The following BIRC6 variants were observed in gnomAD, a reference collection of about 807,000 sequenced individuals.
BIRC6 encodes baculoviral IAP repeat containing 6.
In BIRC6, 98 loss-of-function variants were observed where a neutral mutation model predicts 503.3. The ratio of observed to expected loss-of-function variants is 0.19; its 90% confidence interval spans 0.17 to 0.23. BIRC6 has a LOEUF of 0.23. Among genes scored for constraint, BIRC6 ranks in the 10% least tolerant of loss-of-function variants. The probability of loss-of-function intolerance (pLI) is 1.00; values close to 1 mark genes in which losing one functional copy is unlikely to be tolerated. For missense variants in BIRC6, 5,360 were observed against 5,806.0 expected (o/e 0.92, Z 2.50); for synonymous variants, 2,240 against 2,078.7 (o/e 1.08, Z -2.11).
At chr2:32,573,215 T>C (rs1337920381) in intron 65 of BIRC6, among the ~76,000 whole-genome samples, 1 of 152,176 alleles carries the variant, frequency 6.6e-6, no homozygotes, top group African/African-American at 2.4e-5. Context: ...GTTTGTTTGT[T>C]TTTGAGACTG....
intron 1 of BIRC6, among the ~76,000 whole-genome samples, chr2:32,361,364 G>A (rs1388461801): frequency 6.6e-6 from 1 of 151,974 alleles, no homozygotes; most frequent in East Asian, 1.9e-4. Flanking sequence ...TTAAATATGT[G>A]TTTCTTTTTT....
chr2:32,559,372 G>A (rs1453306849), intron 65 of BIRC6, among the ~76,000 whole-genome samples: 5 of 152,208 alleles, frequency 3.3e-5, no homozygotes, highest in South Asian at 2.1e-4. Context: ...GCATAACAGC[G>A]TGTTGTGCCT....
chr2:32,361,406 C>A (rs1416203131), intron 1 of BIRC6, among the ~76,000 whole-genome samples: 4 of 152,046 alleles, frequency 2.6e-5, no homozygotes, highest in African/African-American at 9.7e-5. Flanking sequence ...CAAAATTGAG[C>A]AGAAAGTACA....
intron 46 of BIRC6, among the ~76,000 whole-genome samples, chr2:32,501,218 T>C (rs2053149095): frequency 6.6e-6 from 1 of 152,180 alleles, no homozygotes; most frequent in Non-Finnish European, 1.5e-5. Context: ...TTTTTCTTTG[T>C]CAGTGTGTGA....
intron 3 of BIRC6, among the ~76,000 whole-genome samples, chr2:32,383,215 T>G (rs1174282204): frequency 1.3e-5 from 2 of 151,436 alleles, no homozygotes; most frequent in East Asian, 2.0e-4. Flanking sequence ...CCTGGCTAAC[T>G]TTTGTATTTT....
At chr2:32,581,053 A>G (rs568557336) in intron 66 of BIRC6, among the ~76,000 whole-genome samples, 2 of 152,152 alleles carry the variant, frequency 1.3e-5, no homozygotes, top group Non-Finnish European at 2.9e-5. Context: ...CACTAATCCT[A>G]TTACTTGGTT....
At chr2:32,414,288 A>G (rs2042193802) in intron 9 of BIRC6, among the ~76,000 whole-genome samples, 1 of 152,224 alleles carries the variant, frequency 6.6e-6, no homozygotes, top group Non-Finnish European at 1.5e-5. Context: ...CAGAAAATAA[A>G]TAAGTAAATA....
At chr2:32,558,203 A>G (rs2058918185) in intron 65 of BIRC6, among the ~76,000 whole-genome samples, 1 of 152,198 alleles carries the variant, frequency 6.6e-6, no homozygotes, top group Admixed American at 6.5e-5. Context: ...CCGAAAATAT[A>G]ATGAAAATGT....
At chr2:32,478,134 T>G (rs1393646780) in intron 35 of BIRC6, among the ~76,000 whole-genome samples, 2 of 151,930 alleles carry the variant, frequency 1.3e-5, no homozygotes, top group Non-Finnish European at 2.9e-5. Flanking sequence ...TTGAAGAGAT[T>G]GAGACCATCA....
At chr2:32,551,717 C>T (rs2058436655) in intron 65 of BIRC6, among the ~76,000 whole-genome samples, 1 of 152,112 alleles carries the variant, frequency 6.6e-6, no homozygotes, top group African/African-American at 2.4e-5. Flanking sequence ...TTATTTTTGG[C>T]AATGTGGGAG....
intron 72 of BIRC6, among the ~76,000 whole-genome samples, chr2:32,610,225 G>A (rs1249432923): frequency 1.3e-5 from 2 of 152,046 alleles, no homozygotes; most frequent in East Asian, 3.9e-4. Flanking sequence ...TGTTCTTTAG[G>A]GCAGACATGC....
intron 22 of BIRC6, among the ~76,000 whole-genome samples, chr2:32,450,320 T>C (rs556701241): frequency 2.7e-4 from 41 of 152,214 alleles, no homozygotes; most frequent in Admixed American, 9.8e-4. Context: ...CTACTAAAAA[T>C]GCCAAAAAAT....
chr2:32,471,633 ATTATT>A (rs1235540713), intron 32 of BIRC6, among the ~76,000 whole-genome samples: 1 of 152,114 alleles, frequency 6.6e-6, no homozygotes, highest in Non-Finnish European at 1.5e-5. Context: ...AACCTGCAAC[ATTATT>A]TTATTACCCT....
At chr2:32,521,168 A>G (rs1197999746) in intron 57 of BIRC6, among the ~76,000 whole-genome samples, 1 of 152,012 alleles carries the variant, frequency 6.6e-6, no homozygotes, top group Non-Finnish European at 1.5e-5. Context: ...ATTTTCTGAT[A>G]TATTTACTTG....
In BIRC6 at chr2:32,377,719, C is replaced by G; in HGVS notation, c.457C>G (p.Pro153Ala). 1 of 1,613,584 alleles carries G rather than the reference C, an allele frequency of 6.2e-7. No individual in the cohort carries two copies. Among genetic ancestry groups the G allele is most frequent in the Non-Finnish European group, 8.5e-7 (1 of 1,179,732 alleles). ...ILLLDTALQT[P>A]VSKQDDVVQL... ...GTTGTTAGACACTGCTCTGCAAACT[C>G]CAGTTTCAAAGCAGGATGATGTGGT... Residue 153 changes from proline to alanine, a missense_variant, in exon 2 of 74, where the codon CCA becomes GCA. Around this residue, in one of 16 missense-constraint regions of BIRC6, gnomAD observed 134 missense variants for 150.9 expected, o/e 0.89. Transcript: ENST00000421745.
rs895128746 is a variant in BIRC6 at position 32,432,422 on chromosome 2, G to C, written c.3249-1222G>C. Among the ~76,000 whole-genome samples the C allele has an allele frequency of 6.6e-5, 10 of 151,950 alleles. 1 individual carries two copies. Among genetic ancestry groups the C allele is most frequent in the Admixed American group, 3.9e-4 (6 of 15,254 alleles). ...ACAGAGTGAGACTCCATCTCAAGAA[G>C]AAAAACAGAGGTAGAGGTACCTGGG... On this transcript the variant is annotated intron_variant, in intron 12 of 73. Coordinates refer to ENST00000421745, the MANE Select transcript of BIRC6 (RefSeq NM_016252.4).
At chr2:32,472,944 T>G in intron 32 of BIRC6, 168 bp from the exon 33 acceptor site, 1 of 568,320 alleles carries the variant, frequency 1.8e-6, no homozygotes, top group Non-Finnish European at 3.0e-6. Context: ...AGTTATCCAG[T>G]CTTTATAGAA....
intron 1 of BIRC6, 76 bp from the exon 2 acceptor site, chr2:32,377,512 T>G: frequency 8.3e-7 from 1 of 1,199,130 alleles, no homozygotes; most frequent in Non-Finnish European, 1.1e-6. Context: ...TTGTGTTTAG[T>G]CACTATGTAA....
chr2:32,415,631 G>C lies in BIRC6; in HGVS notation c.2340G>C (p.Arg780=). The change falls in exon 10 of 74, where the codon CGG becomes CGC. Residue 780 remains arginine (R), a synonymous_variant. Transcript: ENST00000421745. ...TAAACTCTGCACTATGTAATAGACG[G>C]AAAGGTGAGCTGGAATCAAATCTTG... The part of the protein sequence containing the change: ...NKLNSALCNR[R]KGELESNLAV... 6.2e-7 allele frequency: 1 copy of C among 1,613,974 alleles called. No homozygotes were observed. Among genetic ancestry groups the C allele is most frequent in the Non-Finnish European group, 8.5e-7 (1 of 1,179,898 alleles).
Sources: allele counts gnomAD v4.1 joint callset (sites outside exome capture counted in the v4.1 genomes callset), GRCh38; gene constraint gnomAD v4.1.1; regional missense constraint gnomAD v4.1.1; transcripts MANE v1.5; gene names NCBI Gene and HGNC (gene_info 2026-07-23, HGNC 2026-07-21).